The following NBEA variants were observed in gnomAD, a reference collection of about 807,000 sequenced individuals.
The protein encoded by NBEA is neurobeachin, also known as lysosomal-trafficking regulator 2.
Under a neutral mutation model 343.4 loss-of-function variants are expected in NBEA, and 44 were observed. The observed-to-expected ratio is 0.13, with a 90% confidence interval of 0.10 to 0.16. NBEA has a LOEUF of 0.16. Among genes scored for constraint, NBEA ranks in the 10% least tolerant of loss-of-function variants. The pLI is 1.00. For missense variants in NBEA, 2,555 were observed against 3,631.3 expected, an observed-to-expected ratio of 0.70 and a Z score of 7.62; for synonymous variants, 1,175 against 1,238.7, an observed-to-expected ratio of 0.95 and a Z score of 1.08.
In NBEA at chr13:35,646,292, A is replaced by G; in HGVS notation, c.7714A>G (p.Thr2572Ala). 1 of 1,613,742 alleles carries G rather than the reference A, an allele frequency of 6.2e-7. No homozygotes were observed. The highest frequency in any genetic ancestry group is 8.5e-7 in the Non-Finnish European group (1 of 1,179,816). Reference protein sequence around the residue: ...MEAQIQNFGQTPSQLLIEPHP... With the variant: ...MEAQIQNFGQAPSQLLIEPHP... ...GGCACAGATACAGAACTTTGGACAG[A>G]CGCCATCTCAGTTGCTTATTGAGCC... Residue 2572 changes from threonine (T) to alanine (A), a missense_variant, in exon 51 of 59, where the codon ACG (threonine) becomes GCG (alanine). Transcript: ENST00000379939.
intron 34 of NBEA, among the ~76,000 whole-genome samples, chr13:35,283,450 T>G (rs894725957): frequency 6.6e-6 from 1 of 152,184 alleles, no homozygotes; most frequent in Non-Finnish European, 1.5e-5. Flanking sequence ...ATATCTGAAA[T>G]TTCCGTAGGG....
chr13:35,361,282 G>A (rs1425858513), intron 38 of NBEA, among the ~76,000 whole-genome samples: 2 of 152,048 alleles, frequency 1.3e-5, no homozygotes, highest in East Asian at 3.8e-4. Flanking sequence ...AGTATTAAGA[G>A]AAGTCTTCAC....
intron 5 of NBEA, among the ~76,000 whole-genome samples, chr13:35,049,285 AGG>A: frequency 6.6e-6 from 1 of 151,940 alleles, no homozygotes; most frequent in East Asian, 1.9e-4. Flanking sequence ...ACTGTATGCT[AGG>A]CATTGTAAGT....
At chr13:34,989,943 A>G (rs1041414987) in intron 1 of NBEA, among the ~76,000 whole-genome samples, 2 of 151,162 alleles carry the variant, frequency 1.3e-5, no homozygotes, top group African/African-American at 4.8e-5. Context: ...ATGCAAGTCC[A>G]AAGCCCAGAA....
At chr13:35,076,577 A>AT (rs1251199432) in intron 10 of NBEA, among the ~76,000 whole-genome samples, 2 of 151,398 alleles carry the variant, frequency 1.3e-5, no homozygotes, top group Non-Finnish European at 3.0e-5. Flanking sequence ...TTCTCTGTAA[A>AT]TTTTTCTTTG....
chr13:34,985,893 A>G (rs2060526574), intron 1 of NBEA, among the ~76,000 whole-genome samples: 1 of 150,316 alleles, frequency 6.7e-6, no homozygotes, highest in Admixed American at 6.6e-5. Flanking sequence ...CCCCTTTACT[A>G]TTTTTTATTG....
chr13:35,240,236 C>A (rs1209556513), intron 34 of NBEA, among the ~76,000 whole-genome samples: 1 of 151,668 alleles, frequency 6.6e-6, no homozygotes, highest in Non-Finnish European at 1.5e-5. Context: ...TTCTTATGTC[C>A]TTTCTTTGTG....
intron 39 of NBEA, among the ~76,000 whole-genome samples, chr13:35,440,488 A>G (rs1437463730): frequency 6.6e-6 from 1 of 152,194 alleles, no homozygotes; most frequent in Non-Finnish European, 1.5e-5. Flanking sequence ...TAACTGAAGA[A>G]ATATATTTTA....
rs1382081758 is a variant in NBEA at position 35,124,339 on chromosome 13, A to G, written c.2336+765A>G. ...AAACTGCACAAAATTCAGACAAGAC[A>G]TGTCTAACAAGCTGTATAGCCTAGA... On this transcript the variant is annotated intron_variant, in intron 17 of 58. Coordinates refer to ENST00000379939, the MANE Select transcript of NBEA (RefSeq NM_001385012.1). 2.0e-5 allele frequency among the ~76,000 whole-genome samples: 3 copies of G among 151,412 alleles called. No individual in the cohort carries two copies. The East Asian group carries it at 5.8e-4, about 29-fold the overall frequency.
chr13:35,137,134 C>T (rs1321259549), intron 17 of NBEA, among the ~76,000 whole-genome samples: 2 of 152,058 alleles, frequency 1.3e-5, no homozygotes, highest in Non-Finnish European at 2.9e-5. Flanking sequence ...ATTTTTTAAG[C>T]CTCATAGAGA....
chr13:35,085,318 G>A (rs1340918183), intron 10 of NBEA, among the ~76,000 whole-genome samples: 14 of 151,846 alleles, frequency 9.2e-5, no homozygotes, highest in Admixed American at 9.2e-4. Flanking sequence ...GATGAACATC[G>A]ATGCAAAAAT....
chr13:34,991,451 G>T (rs1004090247), intron 1 of NBEA, among the ~76,000 whole-genome samples: 2 of 152,162 alleles, frequency 1.3e-5, no homozygotes, highest in East Asian at 3.8e-4. Context: ...AGGAGAGAGG[G>T]AGTGAAAGGG....
intron 1 of NBEA, among the ~76,000 whole-genome samples, chr13:35,007,468 T>G (rs754827835): frequency 6.6e-6 from 1 of 152,170 alleles, no homozygotes; most frequent in African/African-American, 2.4e-5. Context: ...TGGTTTTTTG[T>G]TTTCTGCTGA....
At chr13:35,118,624 A>G in intron 16 of NBEA, 150 bp downstream of exon 16, 3 of 599,542 alleles carry the variant, frequency 5.0e-6, no homozygotes, top group Non-Finnish European at 8.5e-6. Flanking sequence ...TGATCCTCGA[A>G]TACTCAGGAA....
intron 2 of NBEA, 131 bp downstream of exon 2, chr13:35,041,295 A>G: frequency 3.7e-6 from 3 of 812,108 alleles, no homozygotes; most frequent in Non-Finnish European, 5.7e-6. Flanking sequence ...ATGTGTGGAA[A>G]TTTTACTTTT....
chr13:35,143,981 A>G (rs888283091), intron 18 of NBEA, among the ~76,000 whole-genome samples: 1 of 152,188 alleles, frequency 6.6e-6, no homozygotes, highest in African/African-American at 2.4e-5. Context: ...GATCAAGTCA[A>G]TTGCAGATTT....
chr13:35,044,026 CAG>C (rs1196586689), intron 2 of NBEA, among the ~76,000 whole-genome samples: 1 of 151,994 alleles, frequency 6.6e-6, no homozygotes, highest in East Asian at 1.9e-4. Flanking sequence ...AGAACAATGA[CAG>C]AAAAAGTATT....
intron 1 of NBEA, among the ~76,000 whole-genome samples, chr13:34,991,677 A>T (rs2060753871): frequency 6.6e-6 from 1 of 152,164 alleles, no homozygotes; most frequent in South Asian, 2.1e-4. Flanking sequence ...CACTTCAAGC[A>T]GTCATATGTA....
intron 41 of NBEA, chr13:35,474,746 T>C (rs1317489490): frequency 3.7e-6 from 1 of 271,472 alleles, no homozygotes; most frequent in African/African-American, 2.2e-5. Context: ...TTAGGCAGAG[T>C]GTTCGTCTCG....
Sources: allele counts gnomAD v4.1 joint callset (sites outside exome capture counted in the v4.1 genomes callset), GRCh38; gene constraint gnomAD v4.1.1; transcripts MANE v1.5; gene names NCBI Gene and HGNC (gene_info 2026-07-23, HGNC 2026-07-21).